Variants in NT5DC1 observed in about 807,000 individuals in gnomAD.
The protein encoded by NT5DC1 is 5'-nucleotidase domain containing 1, also known as 5'-nucleotidase domain-containing protein 1.
In NT5DC1, 42 loss-of-function variants were observed where a neutral mutation model predicts 59.4. The observed-to-expected ratio is 0.71, with a 90% CI of 0.55 to 0.92. The LOEUF is 0.92. Among genes scored for constraint, NT5DC1 ranks in the 40% least tolerant of loss-of-function variants. NT5DC1 has a pLI of 0.00. For missense variants in NT5DC1, 501 were observed against 537.1 expected, an observed-to-expected ratio of 0.93 and a Z score of 0.66; for synonymous variants, 172 against 188.1, an observed-to-expected ratio of 0.91 and a Z score of 0.70.
intron 6 of NT5DC1, chr6:116,121,161 G>T (rs1490710530): frequency 6.2e-7 from 1 of 1,613,122 alleles, no homozygotes. Flanking sequence ...TTGGCACCTG[G>T]ACCCCCAGGA....
intron 6 of NT5DC1, among the ~76,000 whole-genome samples, chr6:116,176,834 A>G (rs1003791985): frequency 6.6e-6 from 1 of 152,084 alleles, no homozygotes; most frequent in Non-Finnish European, 1.5e-5. Context: ...TCCCAAGTCT[A>G]TTTTCCTCTT....
At chr6:116,164,732 T>G (rs557078) in intron 6 of NT5DC1, among the ~76,000 whole-genome samples, 1,597 of 152,282 alleles carry the variant, frequency 0.01, 31 homozygotes, top group African/African-American at 0.037. Context: ...CCTTTTAGCA[T>G]TTTTGGTGTA....
At chr6:116,150,977 T>G (rs1780023268) in intron 6 of NT5DC1, among the ~76,000 whole-genome samples, 2 of 152,236 alleles carry the variant, frequency 1.3e-5, no homozygotes, top group Non-Finnish European at 2.9e-5. Context: ...TTATGATTTT[T>G]TGACAGGTGA....
intron 6 of NT5DC1, among the ~76,000 whole-genome samples, chr6:116,130,063 C>G (rs1779423405): frequency 6.6e-6 from 1 of 152,030 alleles, no homozygotes; most frequent in Non-Finnish European, 1.5e-5. Context: ...TGCCTACAGT[C>G]AATATTTTAT....
chr6:116,237,613 T>C (rs1242836768), intron 9 of NT5DC1: 2 of 425,424 alleles, frequency 4.7e-6, no homozygotes, highest in Non-Finnish European at 4.7e-6. Flanking sequence ...ATCCCTTAAC[T>C]CTGTTTTCAC....
intron 6 of NT5DC1, among the ~76,000 whole-genome samples, chr6:116,144,387 G>A (rs919595631): frequency 4.6e-5 from 7 of 152,028 alleles, no homozygotes; most frequent in African/African-American, 1.7e-4. Flanking sequence ...TGTAGTCCCA[G>A]CTACTTGGGA....
At chr6:116,131,635 G>A (rs1214159983) in intron 6 of NT5DC1, among the ~76,000 whole-genome samples, 1 of 152,088 alleles carries the variant, frequency 6.6e-6, no homozygotes, top group Non-Finnish European at 1.5e-5. Flanking sequence ...CCTATAGGTG[G>A]ACATCTGTGT....
chr6:116,233,336 G>T (rs1278198977), intron 8 of NT5DC1, among the ~76,000 whole-genome samples: 2 of 152,138 alleles, frequency 1.3e-5, no homozygotes, highest in African/African-American at 4.8e-5. Context: ...GCATTCTAAA[G>T]CCCTCCTTCT....
intron 6 of NT5DC1, among the ~76,000 whole-genome samples, chr6:116,124,090 A>G (rs752852832): frequency 5.3e-5 from 8 of 152,052 alleles, no homozygotes; most frequent in Non-Finnish European, 8.8e-5. Context: ...ATTTTGAGAC[A>G]TTCAAAAGTA....
chr6:116,195,969 A>G (rs1781219128), intron 6 of NT5DC1, among the ~76,000 whole-genome samples: 3 of 152,072 alleles, frequency 2.0e-5, no homozygotes, highest in African/African-American at 4.8e-5. Context: ...CATTTTGGTC[A>G]GTTATTCATT....
chr6:116,106,960 G>C (rs1253717816), intron 2 of NT5DC1, among the ~76,000 whole-genome samples: 1 of 152,104 alleles, frequency 6.6e-6, no homozygotes, highest in Admixed American at 6.5e-5. Context: ...GGAGGCTGAG[G>C]TGGGCAGATT....
chr6:116,190,352 A>G (rs1781090727), intron 6 of NT5DC1, among the ~76,000 whole-genome samples: 2 of 151,988 alleles, frequency 1.3e-5, no homozygotes, highest in Admixed American at 6.6e-5. Flanking sequence ...GCAATTTTTT[A>G]TATTTCTTAT....
chr6:116,240,580 G>C (rs1013432776), intron 11 of NT5DC1, among the ~76,000 whole-genome samples: 1 of 151,230 alleles, frequency 6.6e-6, no homozygotes, highest in African/African-American at 2.4e-5. Flanking sequence ...GAAAATGATG[G>C]GGAAAAAAAT....
chr6:116,123,663 G>C (rs972048269), intron 6 of NT5DC1, among the ~76,000 whole-genome samples: 17 of 152,140 alleles, frequency 1.1e-4, no homozygotes, highest in African/African-American at 4.1e-4. Context: ...ATAGACTGTG[G>C]GCTTTTGTGT....
intron 6 of NT5DC1, among the ~76,000 whole-genome samples, chr6:116,154,688 A>G (rs1280657617): frequency 6.6e-6 from 1 of 152,162 alleles, no homozygotes; most frequent in Non-Finnish European, 1.5e-5. Flanking sequence ...TCCCTGAGAA[A>G]TATTTGGATG....
intron 6 of NT5DC1, among the ~76,000 whole-genome samples, chr6:116,162,187 TG>T (rs1389158594): frequency 1.3e-5 from 2 of 152,166 alleles, no homozygotes; most frequent in Admixed American, 6.6e-5. Flanking sequence ...AGGAATCATT[TG>T]GGTTTTTTAA....
intron 6 of NT5DC1, chr6:116,137,250 A>C (rs1582827000): frequency 6.4e-6 from 1 of 156,746 alleles, no homozygotes; most frequent in East Asian, 1.8e-4. Context: ...ACCAGATTTC[A>C]ACATATCGTC....
chr6:116,130,143 A>G (rs1253982964), intron 6 of NT5DC1, among the ~76,000 whole-genome samples: 1 of 152,128 alleles, frequency 6.6e-6, no homozygotes, highest in Non-Finnish European at 1.5e-5. Flanking sequence ...GATATTCTCT[A>G]TAAAGAAAAA....
intron 6 of NT5DC1, among the ~76,000 whole-genome samples, chr6:116,135,834 G>GATATATATATATATATAT (rs199827970): frequency 2.0e-5 from 2 of 102,350 alleles, no homozygotes; most frequent in Non-Finnish European, 2.0e-5. Context: ...TATATTTTCA[G>GATATATATATATATATAT]ATATATATAT....
Sources: allele counts gnomAD v4.1 joint callset (sites outside exome capture counted in the v4.1 genomes callset), GRCh38; gene constraint gnomAD v4.1.1; transcripts MANE v1.5; gene names NCBI Gene and HGNC (gene_info 2026-07-23, HGNC 2026-07-21).